RBPMS: variants seen among roughly 807,000 people sequenced by gnomAD.
The protein encoded by RBPMS is RNA binding protein, mRNA processing factor, also known as RNA-binding protein with multiple splicing.
A neutral mutation model predicts 26.8 loss-of-function variants in RBPMS; 7 were observed. That is an observed-to-expected ratio of 0.26 (90% CI 0.15 to 0.49). RBPMS has a LOEUF of 0.49. Ranked by LOEUF, RBPMS falls within the 20% of genes least tolerant of loss-of-function variation. The probability of loss-of-function intolerance (pLI) is 0.98; values close to 1 mark genes in which losing one functional copy is unlikely to be tolerated. For missense variants in RBPMS, 186 were observed against 250.0 expected, an observed-to-expected ratio of 0.74 and a Z score of 1.73; for synonymous variants, 96 against 93.3, an observed-to-expected ratio of 1.03 and a Z score of -0.17.
At chr8:30,492,864 C>CT (rs1453768236) in intron 4 of RBPMS, among the ~76,000 whole-genome samples, 4 of 151,406 alleles carry the variant, frequency 2.6e-5, no homozygotes, top group Admixed American at 1.3e-4. Context: ...TCTTTTTTTC[C>CT]TTTTTGGTGC....
chr8:30,506,461 A>T (rs1325089557), intron 5 of RBPMS, among the ~76,000 whole-genome samples: 1 of 152,120 alleles, frequency 6.6e-6, no homozygotes. Context: ...GAGCAAGTCC[A>T]CTATGGCTCA....
intron 6 of RBPMS, among the ~76,000 whole-genome samples, chr8:30,555,560 A>G (rs764012507): frequency 6.8e-4 from 104 of 152,332 alleles, no homozygotes; most frequent in Non-Finnish European, 1.2e-3. Context: ...AGAGAGAACT[A>G]TGGGAGAAGA....
intron 5 of RBPMS, among the ~76,000 whole-genome samples, chr8:30,533,077 T>G (rs1585790965): frequency 6.6e-6 from 1 of 152,172 alleles, no homozygotes; most frequent in Non-Finnish European, 1.5e-5. Flanking sequence ...CAAATTGACA[T>G]TTTTGGATCT....
intron 1 of RBPMS, among the ~76,000 whole-genome samples, chr8:30,386,026 G>C (rs768071287): frequency 6.6e-6 from 1 of 152,132 alleles, no homozygotes; most frequent in Non-Finnish European, 1.5e-5. Context: ...ACGTTATCTG[G>C]AGTCCAAGAA....
chr8:30,532,849 A>G (rs761027260), intron 5 of RBPMS, among the ~76,000 whole-genome samples: 9 of 152,142 alleles, frequency 5.9e-5, no homozygotes, highest in Non-Finnish European at 1.3e-4. Context: ...AATGGTTTCT[A>G]GTACATTCCG....
chr8:30,533,915 C>T lies in RBPMS; in HGVS notation c.398-10579C>T, dbSNP rs373114698. ...TTAGGAGGCCTAGGTGGGTGAATCA[C>T]GAGGTCAGGAGTTCGAGACCAGCCT... On this transcript the variant is annotated intron_variant, in intron 5 of 8. Coordinates refer to ENST00000397323, the MANE Select transcript of RBPMS (RefSeq NM_001008710.3). Among the ~76,000 whole-genome samples, 8 of 152,088 alleles carry T rather than the reference C, an allele frequency of 5.3e-5. No homozygotes were observed. The East Asian group carries it at 7.7e-4, about 15-fold the overall frequency.
At chr8:30,517,333 A>G (rs1486215275) in intron 5 of RBPMS, among the ~76,000 whole-genome samples, 1 of 151,828 alleles carries the variant, frequency 6.6e-6, no homozygotes, top group Non-Finnish European at 1.5e-5. Context: ...GTATAATGTA[A>G]TCTGTGCAAA....
At chr8:30,561,479 G>A (rs924300695) in intron 7 of RBPMS, among the ~76,000 whole-genome samples, 3 of 152,158 alleles carry the variant, frequency 2.0e-5, no homozygotes, top group Admixed American at 6.5e-5. Context: ...TAGAGGTGCC[G>A]AGGATGAGGT....
At chr8:30,569,534 C>T (rs1381956398) in intron 8 of RBPMS, among the ~76,000 whole-genome samples, 1 of 152,194 alleles carries the variant, frequency 6.6e-6, no homozygotes, top group Non-Finnish European at 1.5e-5. Context: ...TGAAAGTAGA[C>T]TGCGGCCAGG....
chr8:30,561,664 G>C (rs376707141), intron 7 of RBPMS, among the ~76,000 whole-genome samples: 1 of 152,202 alleles, frequency 6.6e-6, no homozygotes, highest in South Asian at 2.1e-4. Context: ...TGGAGAGCGG[G>C]CTGGAGAAGC....
intron 4 of RBPMS, among the ~76,000 whole-genome samples, chr8:30,502,224 G>A (rs775279399): frequency 6.6e-6 from 1 of 150,746 alleles, no homozygotes; most frequent in Non-Finnish European, 1.5e-5. Context: ...ATTGGGGGGC[G>A]GGTATGAAGA....
At chr8:30,455,962 CTG>C (rs1339658274) in intron 1 of RBPMS, among the ~76,000 whole-genome samples, 2 of 152,142 alleles carry the variant, frequency 1.3e-5, no homozygotes, top group African/African-American at 2.4e-5. Context: ...GGTATTAAGA[CTG>C]AGCCAGTAGA....
chr8:30,564,821 A>ACCC (rs144817658), intron 7 of RBPMS: 1 of 151,060 alleles, frequency 6.6e-6, no homozygotes, highest in African/African-American at 2.5e-5. Context: ...TACTGCCCCC[A>ACCC]CCTCCCCCCG....
At chr8:30,527,028 C>T (rs1482780880) in intron 5 of RBPMS, among the ~76,000 whole-genome samples, 1 of 152,188 alleles carries the variant, frequency 6.6e-6, no homozygotes, top group Non-Finnish European at 1.5e-5. Flanking sequence ...GCATGCTAGC[C>T]TGTTCTTCTG....
chr8:30,548,366 C>CACA (rs10654919), intron 6 of RBPMS, among the ~76,000 whole-genome samples: 120,623 of 151,798 alleles, frequency 0.79, 48,204 homozygotes, highest in African/African-American at 0.89. Context: ...ATTCTCGAAA[C>CACA]ACACCATACA....
At chr8:30,408,929 A>G (rs1037233443) in intron 1 of RBPMS, among the ~76,000 whole-genome samples, 2 of 152,100 alleles carry the variant, frequency 1.3e-5, no homozygotes, top group Non-Finnish European at 2.9e-5. Flanking sequence ...TGTTTCAGAC[A>G]TTTCATGCAA....
chr8:30,416,808 C>T (rs35753070), intron 1 of RBPMS, among the ~76,000 whole-genome samples: 26,472 of 151,618 alleles, frequency 0.17, 5,847 homozygotes, highest in African/African-American at 0.52. Flanking sequence ...CTCCCTCAGT[C>T]GCCTAGGCTG....
At chr8:30,507,056 C>T (rs902038083) in intron 5 of RBPMS, among the ~76,000 whole-genome samples, 1 of 152,198 alleles carries the variant, frequency 6.6e-6, no homozygotes, top group Non-Finnish European at 1.5e-5. Context: ...GACCCCGAAT[C>T]AGACTGCCGT....
intron 8 of RBPMS, among the ~76,000 whole-genome samples, chr8:30,566,803 T>C (rs1471563612): frequency 6.6e-6 from 1 of 152,210 alleles, no homozygotes; most frequent in Non-Finnish European, 1.5e-5. Flanking sequence ...ATACTGCATA[T>C]GATCAGCCAT....
Sources: gnomAD v4.1 joint callset for allele counts (sites outside exome capture counted in the v4.1 genomes callset) on GRCh38, gnomAD v4.1.1 for gene constraint, MANE v1.5 for transcripts, NCBI Gene and HGNC (gene_info 2026-07-23, HGNC 2026-07-21) for gene names.